CNTN4: variants seen among roughly 807,000 people sequenced by gnomAD.
The protein encoded by CNTN4 is contactin-4.
A neutral mutation model predicts 122.5 loss-of-function variants in CNTN4; 77 were observed. That is an observed-to-expected ratio of 0.63 (90% CI 0.52 to 0.76). The LOEUF is 0.76. Ranked by LOEUF, CNTN4 falls within the 30% of genes least tolerant of loss-of-function variation. The pLI is 0.00. For missense variants in CNTN4, 1,256 were observed against 1,259.1 expected (o/e 1.00, Z 0.04); for synonymous variants, 512 against 447.0 (o/e 1.15, Z -1.83).
At chr3:2,926,898 G>A (rs1485405823) in intron 13 of CNTN4, among the ~76,000 whole-genome samples, 1 of 152,006 alleles carries the variant, frequency 6.6e-6, no homozygotes, top group Non-Finnish European at 1.5e-5. Flanking sequence ...TGTTGACATG[G>A]CATTCAAATT....
chr3:2,464,909 A>C, intron 3 of CNTN4, among the ~76,000 whole-genome samples: 1 of 152,198 alleles, frequency 6.6e-6, no homozygotes, highest in East Asian at 1.9e-4. Context: ...ATAACCTTAT[A>C]GGCTCTTAAT....
intron 13 of CNTN4, among the ~76,000 whole-genome samples, chr3:2,936,462 G>A (rs375719517): frequency 1.8e-4 from 27 of 152,274 alleles, no homozygotes; most frequent in African/African-American, 5.1e-4. Context: ...GTATGACAAC[G>A]TAGCAGTGGC....
chr3:2,237,265 A>G (rs1410043100), intron 2 of CNTN4, among the ~76,000 whole-genome samples: 2 of 152,084 alleles, frequency 1.3e-5, no homozygotes, highest in African/African-American at 2.4e-5. Context: ...GATTGGCTAT[A>G]TAGGAGGGAT....
intron 3 of CNTN4, among the ~76,000 whole-genome samples, chr3:2,465,069 A>G (rs2075447473): frequency 6.6e-6 from 1 of 152,214 alleles, no homozygotes; most frequent in Non-Finnish European, 1.5e-5. Context: ...CAGCAGTGTG[A>G]ATGTACTTAT....
chr3:2,177,121 C>T (rs900784343), intron 2 of CNTN4, among the ~76,000 whole-genome samples: 2 of 151,974 alleles, frequency 1.3e-5, no homozygotes, highest in Non-Finnish European at 2.9e-5. Context: ...AATACTAGAC[C>T]GTGTATCCAT....
At position 2,857,716 on chromosome 3, in the gene CNTN4, A is replaced by G. The variant is rs547531616; in HGVS notation, c.455-9036A>G. ...CCTCAGCCTCTCCAGACTCCTGAGT[A>G]GCTGCGACTACAGGTGTGAACCACC... On this transcript the variant is annotated intron_variant, in intron 7 of 24. Coordinates refer to ENST00000418658, the MANE Select transcript of CNTN4 (RefSeq NM_175607.3). Among the ~76,000 whole-genome samples the G allele has an allele frequency of 1.2e-4, 18 of 152,282 alleles. 1 individual carries two copies. The South Asian group carries it at 3.5e-3, about 30-fold the overall frequency.
chr3:2,645,458 T>C (rs545954473), intron 4 of CNTN4, among the ~76,000 whole-genome samples: 1 of 152,330 alleles, frequency 6.6e-6, no homozygotes, highest in East Asian at 1.9e-4. Context: ...TTATTCTTTT[T>C]TCATGCTGTT....
chr3:2,808,439 G>C (rs569995113), intron 6 of CNTN4, among the ~76,000 whole-genome samples: 2 of 152,166 alleles, frequency 1.3e-5, no homozygotes, highest in East Asian at 1.9e-4. Flanking sequence ...AGAAAAAAAG[G>C]CTATAAAGTA....
rs1299560777 is a variant in CNTN4, at chr3:3,057,763, A to T, written c.*1543A>T. On this transcript the variant is annotated 3_prime_UTR_variant, in exon 25 of 25. Coordinates refer to ENST00000418658, the MANE Select transcript of CNTN4 (RefSeq NM_175607.3). ...GTATTTCAAGCTGTGTTCCTTTCTTAGTTTGATATGGTTACTTCTATGTTG... is the reference window on the plus strand; with the variant it reads ...GTATTTCAAGCTGTGTTCCTTTCTTTGTTTGATATGGTTACTTCTATGTTG... 1 of 152,572 alleles carries T rather than the reference A, an allele frequency of 6.6e-6. No individual in the cohort carries two copies. Among genetic ancestry groups the T allele is most frequent in the South Asian group, 2.1e-4 (1 of 4,834 alleles). 9.5% of individuals were successfully genotyped at this position (152,572 alleles called of 1,614,324 possible).
chr3:2,856,368 GA>G (rs1424098970), intron 7 of CNTN4, among the ~76,000 whole-genome samples: 1 of 152,170 alleles, frequency 6.6e-6, no homozygotes, highest in African/African-American at 2.4e-5. Flanking sequence ...TCCTGGTCAG[GA>G]AATGGCTTTT....
At position 2,205,215 on chromosome 3, in the gene CNTN4, G is replaced by T. The variant is rs1449792856; in HGVS notation, c.-145+104576G>T. 6.0e-5 allele frequency among the ~76,000 whole-genome samples: 9 copies of T among 150,604 alleles called. No individual in the cohort carries two copies. In the South Asian group the frequency reaches 1.3e-3, roughly 21 times the overall value. On this transcript the variant is annotated intron_variant, in intron 2 of 24. Transcript: ENST00000418658. ...ATGGATAGTTTTCTGCCATATCCAA[G>T]ATATTTTTAATAATAAAAAGTTTTT...
At chr3:2,741,240 A>G (rs2089440831) in intron 5 of CNTN4, among the ~76,000 whole-genome samples, 1 of 152,230 alleles carries the variant, frequency 6.6e-6, no homozygotes, top group African/African-American at 2.4e-5. Context: ...AGAATGATGT[A>G]ACTACAAGTA....
rs2047903821 is a variant in CNTN4 at position 2,427,896 on chromosome 3, C to T, written c.-89+88663C>T. Among the ~76,000 whole-genome samples, 4 of 150,730 alleles carry T rather than the reference C, an allele frequency of 2.7e-5. No homozygotes were observed. In the South Asian group the frequency reaches 8.3e-4, roughly 31 times the overall value. ...TTATCAGAGACTAAGATTGCAACCC[C>T]TGCCTTTTTTTGTTTTCCATTTGCT... On this transcript the variant is annotated intron_variant, in intron 3 of 24. Transcript: ENST00000418658.
intron 2 of CNTN4, among the ~76,000 whole-genome samples, chr3:2,178,245 C>G (rs1202656119): frequency 6.6e-6 from 1 of 151,834 alleles, no homozygotes; most frequent in East Asian, 1.9e-4. Context: ...TAATTCATTG[C>G]TCTACACAAA....
chr3:2,892,168 A>C (rs550979018), intron 10 of CNTN4: 1 of 152,370 alleles, frequency 6.6e-6, no homozygotes, highest in African/African-American at 2.4e-5. Flanking sequence ...TTCAGTGTGC[A>C]TCACAATCAC....
intron 2 of CNTN4, among the ~76,000 whole-genome samples, chr3:2,192,080 T>G (rs1306192183): frequency 1.3e-5 from 2 of 151,858 alleles, no homozygotes; most frequent in Non-Finnish European, 2.9e-5. Flanking sequence ...TATGGCTGCA[T>G]AGTATTCCAT....
At chr3:2,966,880 T>C (rs1212289287) in intron 13 of CNTN4, among the ~76,000 whole-genome samples, 3 of 152,246 alleles carry the variant, frequency 2.0e-5, no homozygotes, top group Non-Finnish European at 2.9e-5. Flanking sequence ...CTAAAATGTC[T>C]GAGCTTTGAC....
At chr3:2,238,047 C>T (rs60206105) in intron 2 of CNTN4, among the ~76,000 whole-genome samples, 1 of 151,460 alleles carries the variant, frequency 6.6e-6, no homozygotes, top group Non-Finnish European at 1.5e-5. Context: ...CCAGTGATAC[C>T]CCTGGAAAGT....
chr3:2,214,112 T>G (rs972764596), intron 2 of CNTN4, among the ~76,000 whole-genome samples: 1 of 152,192 alleles, frequency 6.6e-6, no homozygotes, highest in Non-Finnish European at 1.5e-5. Flanking sequence ...GAGGAGGGAA[T>G]GATTTTTTAA....
Sources: gnomAD v4.1 joint callset for allele counts (sites outside exome capture counted in the v4.1 genomes callset) on GRCh38, gnomAD v4.1.1 for gene constraint, MANE v1.5 for transcripts, NCBI Gene and HGNC (gene_info 2026-07-23, HGNC 2026-07-21) for gene names.